Variants in ACOXL observed in about 807,000 individuals in gnomAD.
ACOXL encodes acyl-CoA oxidase like, also known as acyl-coenzyme A oxidase-like protein.
A neutral mutation model predicts 71.9 loss-of-function variants in ACOXL; 70 were observed. The observed-to-expected ratio is 0.97, with a 90% CI of 0.80 to 1.19. ACOXL has a LOEUF of 1.19. Ranked by LOEUF, ACOXL falls within the 50% of genes most tolerant of loss-of-function variation. The pLI is 0.00. For missense variants in ACOXL, 703 were observed against 736.3 expected, an observed-to-expected ratio of 0.95 and a Z score of 0.52; for synonymous variants, 253 against 281.6, an observed-to-expected ratio of 0.90 and a Z score of 1.02.
At chr2:111,055,846 G>C (rs899585310) in intron 16 of ACOXL, among the ~76,000 whole-genome samples, 17 of 152,070 alleles carry the variant, frequency 1.1e-4, no homozygotes, top group African/African-American at 4.1e-4. Flanking sequence ...GGCAGATAAA[G>C]AGTTGTGGGT....
chr2:110,983,999 A>G (rs139310948), intron 12 of ACOXL, among the ~76,000 whole-genome samples: 4 of 152,010 alleles, frequency 2.6e-5, no homozygotes, highest in Admixed American at 1.3e-4. Context: ...ACGCACCACC[A>G]TGCCCGGCTA....
In ACOXL at chr2:110,782,133, G is replaced by A. The variant is rs370655116; in HGVS notation, c.76-2599G>A. On this transcript the variant is annotated intron_variant, in intron 2 of 17. Transcript: ENST00000439055. Reference sequence around the variant, plus strand: ...TCACTACAAACTTACATGCTACTACGGAGATTGAATTTGGTTTGAATATAT... The same window carrying A: ...TCACTACAAACTTACATGCTACTACAGAGATTGAATTTGGTTTGAATATAT... 1.6e-4 allele frequency among the ~76,000 whole-genome samples: 24 copies of A among 152,228 alleles called. No homozygotes were observed. In the East Asian group the frequency reaches 2.5e-3, roughly 16 times the overall value.
chr2:111,087,373 G>A (rs555435068), intron 16 of ACOXL, among the ~76,000 whole-genome samples: 51 of 152,280 alleles, frequency 3.3e-4, no homozygotes, highest in African/African-American at 1.1e-3. Flanking sequence ...GAACAAAGTT[G>A]GAGGCATCAT....
intron 10 of ACOXL, among the ~76,000 whole-genome samples, chr2:110,876,940 A>T (rs539830908): frequency 6.6e-4 from 100 of 152,300 alleles, no homozygotes; most frequent in African/African-American, 1.9e-3. Context: ...TATATCAGTG[A>T]TATTGAAACT....
intron 10 of ACOXL, among the ~76,000 whole-genome samples, chr2:110,864,226 C>G (rs1021012950): frequency 1.3e-5 from 2 of 152,138 alleles, no homozygotes; most frequent in Non-Finnish European, 2.9e-5. Flanking sequence ...GAGCATCTCC[C>G]ATAGTGGGAG....
rs1320947330 is a variant in ACOXL at position 110,908,783 on chromosome 2, C to A, written c.789-6C>A. The A allele has an allele frequency of 1.9e-6, 3 of 1,612,016 alleles. No individual in the cohort carries two copies. Among genetic ancestry groups the A allele is most frequent in the East Asian group, 4.5e-5 (2 of 44,862 alleles). On this transcript the variant is annotated splice_polypyrimidine_tract_variant and splice_region_variant and intron_variant, in intron 10 of 17. Coordinates refer to ENST00000439055, the MANE Select transcript of ACOXL (RefSeq NM_001142807.4). ...GGTAAAAATCGTGTCTGTTGATTCC[C>A]TCTAGCCGGAGGCAGTTTGGGCCCA...
chr2:111,027,422 A>G (rs1398074566), intron 14 of ACOXL, among the ~76,000 whole-genome samples: 4 of 151,686 alleles, frequency 2.6e-5, no homozygotes, highest in South Asian at 2.1e-4. Flanking sequence ...CCTGTGTTCA[A>G]GCGATTCTTC....
At chr2:110,983,475 A>G (rs1412125672) in intron 12 of ACOXL, among the ~76,000 whole-genome samples, 1 of 152,192 alleles carries the variant, frequency 6.6e-6, no homozygotes, top group Non-Finnish European at 1.5e-5. Context: ...TTAAAAGAAA[A>G]GACATGGATG....
intron 17 of ACOXL, among the ~76,000 whole-genome samples, chr2:111,115,057 T>C (rs957317185): frequency 2.6e-5 from 4 of 152,230 alleles, no homozygotes; most frequent in Non-Finnish European, 5.9e-5. Flanking sequence ...AAAATGTTTT[T>C]GCAAGAACCT....
At chr2:110,919,006 G>A (rs1401151767) in intron 11 of ACOXL, among the ~76,000 whole-genome samples, 1 of 152,108 alleles carries the variant, frequency 6.6e-6, no homozygotes, top group Non-Finnish European at 1.5e-5. Flanking sequence ...AATTCCTCAA[G>A]GATCTAGAAC....
At chr2:110,940,803 A>T (rs953538539) in intron 12 of ACOXL, among the ~76,000 whole-genome samples, 12 of 152,202 alleles carry the variant, frequency 7.9e-5, no homozygotes, top group Non-Finnish European at 1.3e-4. Context: ...AACCTTGGCA[A>T]TTGTGCTTTC....
chr2:111,108,369 A>AT (rs1173842815), intron 17 of ACOXL, among the ~76,000 whole-genome samples: 1 of 62,080 alleles, frequency 1.6e-5, no homozygotes, highest in Non-Finnish European at 3.3e-5. Flanking sequence ...AAGTGCATGA[A>AT]TCTTTTTTTT....
At chr2:111,021,714 G>A (rs2064769006) in intron 14 of ACOXL, among the ~76,000 whole-genome samples, 1 of 152,288 alleles carries the variant, frequency 6.6e-6, no homozygotes. Flanking sequence ...AGATGAAAGG[G>A]AGGAATCATT....
intron 12 of ACOXL, among the ~76,000 whole-genome samples, chr2:110,966,346 G>C (rs2061928288): frequency 6.6e-6 from 1 of 152,182 alleles, no homozygotes; most frequent in Non-Finnish European, 1.5e-5. Context: ...CCTGGGGCCA[G>C]CAGGGGTCCA....
At chr2:110,885,388 A>AT (rs1197349841) in intron 10 of ACOXL, among the ~76,000 whole-genome samples, 4 of 152,178 alleles carry the variant, frequency 2.6e-5, no homozygotes, top group African/African-American at 9.7e-5. Context: ...CTTTCCCATA[A>AT]TTAATCCCTG....
At position 110,841,403 on chromosome 2, in the gene ACOXL, C is replaced by A; in HGVS notation, c.786C>A (p.His262Gln). 8 of 1,609,250 alleles carry A rather than the reference C, an allele frequency of 5.0e-6. No individual in the cohort carries two copies. The highest frequency in any genetic ancestry group is 8.5e-7 in the Non-Finnish European group (1 of 1,177,028). ...TGACGATAGCCATTCGCTATAGCCACAGGTAAATGTTTACATTTTTGTTTC... is the reference window on the plus strand; with the variant it reads ...TGACGATAGCCATTCGCTATAGCCAAAGGTAAATGTTTACATTTTTGTTTC... ...LGLTIAIRYS[H>Q]SRRQFGPKTK... The change falls in exon 10 of 18, where the codon CAC (histidine) becomes CAA (glutamine). Residue 262 changes from histidine (H) to glutamine (Q), a missense_variant and splice_region_variant. By Grantham distance (24) the His-to-Gln change is conservative (BLOSUM62 0). Transcript: ENST00000439055.
chr2:110,911,888 A>T (rs1215827260), intron 11 of ACOXL, among the ~76,000 whole-genome samples: 4 of 152,068 alleles, frequency 2.6e-5, no homozygotes, highest in African/African-American at 9.7e-5. Flanking sequence ...AAATAATAAA[A>T]GTCATGTAAA....
rs184403966 is a variant in ACOXL, at chr2:111,035,005, C to G, written c.1369+3291C>G. Among the ~76,000 whole-genome samples, 16 of 151,368 alleles carry G rather than the reference C, an allele frequency of 1.1e-4. No homozygotes were observed. In the East Asian group the frequency reaches 2.7e-3, roughly 26 times the overall value. Reference sequence around the variant, plus strand: ...TGATCTCTGCTCACTACTCTGGGGACTACAGGTGCCCGCCACCACACCCAG... The same window carrying G: ...TGATCTCTGCTCACTACTCTGGGGAGTACAGGTGCCCGCCACCACACCCAG... On this transcript the variant is annotated intron_variant, in intron 15 of 17. Transcript: ENST00000439055.
At chr2:110,825,590 A>G (rs547356209) in intron 9 of ACOXL, among the ~76,000 whole-genome samples, 1 of 152,084 alleles carries the variant, frequency 6.6e-6, no homozygotes, top group Non-Finnish European at 1.5e-5. Flanking sequence ...TGTAGACAAC[A>G]TCCTTAATTT....
Sources: allele counts gnomAD v4.1 joint callset (sites outside exome capture counted in the v4.1 genomes callset), GRCh38; gene constraint gnomAD v4.1.1; transcripts MANE v1.5; gene names NCBI Gene and HGNC (gene_info 2026-07-23, HGNC 2026-07-21).